Variants in ERC2 observed in about 807,000 individuals in gnomAD.
ERC2 encodes the protein ERC protein 2.
ERC2 carries 42 observed loss-of-function variants against 114.8 expected under a neutral mutation model. The observed-to-expected ratio is 0.37, with a 90% CI of 0.29 to 0.47. The LOEUF is 0.47. ERC2 is among the 20% of genes least tolerant of loss of function. The pLI, the probability that ERC2 is intolerant of heterozygous loss-of-function variation, is 0.99. For missense variants in ERC2, 939 were observed against 1,150.7 expected (o/e 0.82, Z 2.66); for synonymous variants, 454 against 425.5 (o/e 1.07, Z -0.82).
chr3:56,162,614 T>C (rs1246857098), intron 4 of ERC2, among the ~76,000 whole-genome samples: 2 of 152,210 alleles, frequency 1.3e-5, no homozygotes, highest in Non-Finnish European at 2.9e-5. Context: ...TGGGAGAGTG[T>C]GTGTTTCCAC....
chr3:55,969,861 A>C (rs909234212), intron 12 of ERC2, among the ~76,000 whole-genome samples: 3 of 152,176 alleles, frequency 2.0e-5, no homozygotes, highest in Non-Finnish European at 4.4e-5. Context: ...AGGCTTTTTA[A>C]ATTTCATTTT....
intron 3 of ERC2, among the ~76,000 whole-genome samples, chr3:56,220,084 C>G (rs1231233168): frequency 1.3e-5 from 2 of 152,138 alleles, no homozygotes; most frequent in Non-Finnish European, 2.9e-5. Context: ...GGCACAAAGA[C>G]TGGGTCTGGC....
chr3:55,949,999 GT>G (rs2067390135), intron 13 of ERC2, among the ~76,000 whole-genome samples: 3 of 152,144 alleles, frequency 2.0e-5, no homozygotes, highest in African/African-American at 7.2e-5. Flanking sequence ...AACAAAACTG[GT>G]TTTGTAAACT....
chr3:55,836,085 T>A (rs915905822), intron 14 of ERC2, among the ~76,000 whole-genome samples: 25 of 150,976 alleles, frequency 1.7e-4, no homozygotes, highest in African/African-American at 5.7e-4. Flanking sequence ...TACAAACCAC[T>A]GCTCAATGAA....
intron 17 of ERC2, among the ~76,000 whole-genome samples, chr3:55,537,531 C>T (rs527354003): frequency 6.6e-6 from 1 of 152,298 alleles, no homozygotes. Flanking sequence ...GAAAAATGAT[C>T]GGTGTCTCTG....
chr3:56,089,694 C>T (rs1316650683), intron 6 of ERC2, among the ~76,000 whole-genome samples: 1 of 151,988 alleles, frequency 6.6e-6, no homozygotes, highest in Non-Finnish European at 1.5e-5. Flanking sequence ...AGGTCTATGA[C>T]TCCTGTAAGC....
intron 6 of ERC2, among the ~76,000 whole-genome samples, chr3:56,087,600 G>GA (rs1421127603): frequency 2.6e-5 from 4 of 151,848 alleles, no homozygotes; most frequent in Non-Finnish European, 2.9e-5. Context: ...ACACTTGAGA[G>GA]AAAAAAACAC....
intron 14 of ERC2, among the ~76,000 whole-genome samples, chr3:55,834,575 A>G (rs2060782416): frequency 6.6e-6 from 1 of 151,888 alleles, no homozygotes; most frequent in African/African-American, 2.4e-5. Flanking sequence ...GAACAAAGAC[A>G]CAACATACAA....
At chr3:56,107,543 CCTGTCCACCTCTGATACT>C (rs2078736830) in intron 6 of ERC2, among the ~76,000 whole-genome samples, 1 of 152,046 alleles carries the variant, frequency 6.6e-6, no homozygotes. Flanking sequence ...TCTCAAAGAC[CCTGTCCACCTCTGATACT>C]CTGCTTTCAC....
At chr3:55,514,224 C>A (rs1282148914) in intron 17 of ERC2, among the ~76,000 whole-genome samples, 2 of 152,032 alleles carry the variant, frequency 1.3e-5, no homozygotes, top group Non-Finnish European at 2.9e-5. Context: ...TGGCAAAAAC[C>A]CGTCTCCACA....
chr3:56,201,742 G>A (rs7649615), intron 3 of ERC2, among the ~76,000 whole-genome samples: 88,399 of 151,978 alleles, frequency 0.58, 26,298 homozygotes, highest in East Asian at 0.85. Flanking sequence ...TATAACTATC[G>A]GACACATAAA....
At chr3:56,276,485 A>T (rs1198260701) in intron 3 of ERC2, among the ~76,000 whole-genome samples, 1 of 151,426 alleles carries the variant, frequency 6.6e-6, no homozygotes, top group Non-Finnish European at 1.5e-5. Flanking sequence ...AAACAAACTC[A>T]GTCATTCATC....
intron 15 of ERC2, among the ~76,000 whole-genome samples, chr3:55,732,457 G>A (rs374239448): frequency 5.9e-5 from 9 of 152,198 alleles, no homozygotes; most frequent in Admixed American, 1.3e-4. Context: ...TGAACTCTGC[G>A]TAGCTGAGGT....
intron 2 of ERC2, among the ~76,000 whole-genome samples, chr3:56,324,933 C>T (rs891209983): frequency 6.6e-6 from 1 of 151,588 alleles, no homozygotes; most frequent in African/African-American, 2.4e-5. Flanking sequence ...TAGTTGTTTC[C>T]CCTCCCTCAG....
chr3:55,866,681 G>A (rs1161362646), intron 14 of ERC2, among the ~76,000 whole-genome samples: 1 of 152,150 alleles, frequency 6.6e-6, no homozygotes, highest in Non-Finnish European at 1.5e-5. Context: ...AGAGTTTTAA[G>A]AAATCATCCA....
intron 4 of ERC2, among the ~76,000 whole-genome samples, chr3:56,150,002 A>G (rs1029356234): frequency 6.6e-6 from 1 of 152,198 alleles, no homozygotes; most frequent in Non-Finnish European, 1.5e-5. Context: ...TTTCCACAAC[A>G]GTAAGTATTA....
chr3:55,572,415 C>T (rs1021924045), intron 17 of ERC2, among the ~76,000 whole-genome samples: 2 of 152,154 alleles, frequency 1.3e-5, no homozygotes, highest in Non-Finnish European at 2.9e-5. Flanking sequence ...TCATCTCCCA[C>T]GAGCACCCAT....
chr3:56,404,147 T>C (rs2060622662), intron 2 of ERC2, among the ~76,000 whole-genome samples: 1 of 152,234 alleles, frequency 6.6e-6, no homozygotes, highest in Non-Finnish European at 1.5e-5. Context: ...TGTAAATGAC[T>C]GAATCACGTA....
chr3:55,640,555 T>A (rs536670357), intron 17 of ERC2, among the ~76,000 whole-genome samples: 3 of 152,050 alleles, frequency 2.0e-5, no homozygotes, highest in Non-Finnish European at 4.4e-5. Context: ...CCCCTAGAGA[T>A]TGAGAAAGAG....
Sources: gnomAD v4.1 joint callset for allele counts (sites outside exome capture counted in the v4.1 genomes callset) on GRCh38, gnomAD v4.1.1 for gene constraint, MANE v1.5 for transcripts, NCBI Gene and HGNC (gene_info 2026-07-23, HGNC 2026-07-21) for gene names.